IL1RAPL2: variants seen among roughly 807,000 people sequenced by gnomAD.
IL1RAPL2 encodes X-linked interleukin-1 receptor accessory protein-like 2.
A neutral mutation model predicts 44.1 loss-of-function variants in IL1RAPL2; 3 were observed. That is an observed-to-expected ratio of 0.07 (90% CI 0.03 to 0.18). The LOEUF (loss-of-function observed/expected upper bound fraction) is 0.18, where lower values mean the gene tolerates loss of function less well. IL1RAPL2 is among the 10% of genes least tolerant of loss of function. The probability of loss-of-function intolerance (pLI) is 1.00; values close to 1 mark genes in which losing one functional copy is unlikely to be tolerated. For synonymous variants in IL1RAPL2, 181 were observed against 178.8 expected (o/e 1.01, Z -0.10); for missense variants, 391 against 496.4 (o/e 0.79, Z 2.02).
chrX:104,904,425 T>C (rs1923918339), intron 2 of IL1RAPL2, among the ~76,000 whole-genome samples: 1 of 103,241 alleles, frequency 9.7e-6, no homozygotes, highest in Admixed American at 1.0e-4. Context: ...TAGCATTAGG[T>C]ATATCTCCCA....
intron 2 of IL1RAPL2, among the ~76,000 whole-genome samples, chrX:104,890,919 T>C (rs1484553646): frequency 8.9e-6 from 1 of 112,083 alleles, no homozygotes; most frequent in African/African-American, 3.2e-5. Context: ...TTCTAGGGTT[T>C]TTATGGTTTT....
At chrX:105,306,377 AT>A (rs1010155068) in intron 5 of IL1RAPL2, among the ~76,000 whole-genome samples, 11 of 111,699 alleles carry the variant, frequency 9.8e-5, no homozygotes, top group African/African-American at 3.2e-4. Flanking sequence ...TAACAGTGAT[AT>A]GTTACTTTCA....
At position 105,673,820 on chromosome X, in the gene IL1RAPL2, G is replaced by A. The variant is rs569354186; in HGVS notation, c.773-43547G>A. On this transcript the variant is annotated intron_variant, in intron 6 of 10. Transcript: ENST00000372582. ...AGTGTTCCTCTTTCTCTGCAGCCTC[G>A]CCAGTATCTGTTGTTTCTTGACTTT... Among the ~76,000 whole-genome samples, 48 of 111,683 alleles carry A rather than the reference G, an allele frequency of 4.3e-4. 2 individuals carry two copies. In the South Asian group the frequency reaches 6.8e-3, roughly 16 times the overall value.
intron 5 of IL1RAPL2, among the ~76,000 whole-genome samples, chrX:105,297,333 A>T (rs978554221): frequency 1.8e-5 from 2 of 112,149 alleles, no homozygotes; most frequent in Non-Finnish European, 3.8e-5. Flanking sequence ...AGTAAAGAGA[A>T]TGTTATTCTA....
At chrX:105,286,511 C>A (rs1189313320) in intron 5 of IL1RAPL2, among the ~76,000 whole-genome samples, 2 of 108,529 alleles carry the variant, frequency 1.8e-5, no homozygotes, top group Admixed American at 1.0e-4. Flanking sequence ...ACTACTATCA[C>A]CATTAATCTA....
chrX:105,113,038 C>A (rs891039623), intron 2 of IL1RAPL2, among the ~76,000 whole-genome samples: 1 of 112,414 alleles, frequency 8.9e-6, no homozygotes, highest in African/African-American at 3.2e-5. Flanking sequence ...CTCTGGTAAC[C>A]AAAAGCAAGC....
Position 104,803,134 on chromosome X carries a change from A to C in IL1RAPL2, c.82+144139A>C, listed in dbSNP as rs186562992. Among the ~76,000 whole-genome samples, 5 of 112,012 alleles carry C rather than the reference A, an allele frequency of 4.5e-5. No individual in the cohort carries two copies. The Admixed American group carries it at 4.8e-4, about 11-fold the overall frequency. On this transcript the variant is annotated intron_variant, in intron 2 of 10. Transcript: ENST00000372582. ...AATAATCGAGGTGATGGATTCATTA[A>C]GTTCATAACAAGCTGTCCTTGCAGG...
At chrX:105,611,227 T>A (rs1181321931) in intron 6 of IL1RAPL2, among the ~76,000 whole-genome samples, 1 of 112,488 alleles carries the variant, frequency 8.9e-6, no homozygotes, top group Non-Finnish European at 1.9e-5. Context: ...TAAGTGTTAT[T>A]ACAAAAAAGT....
chrX:104,580,419 A>G (rs753884056), intron 1 of IL1RAPL2, among the ~76,000 whole-genome samples: 60 of 112,987 alleles, frequency 5.3e-4, no homozygotes, highest in African/African-American at 1.8e-3. Flanking sequence ...TGTCAACAAG[A>G]GGGATCCATT....
At chrX:104,916,127 G>A (rs1454119259) in intron 2 of IL1RAPL2, among the ~76,000 whole-genome samples, 1 of 111,618 alleles carries the variant, frequency 9.0e-6, no homozygotes, top group Non-Finnish European at 1.9e-5. Flanking sequence ...TAGCTTGATG[G>A]GGATGGCATT....
chrX:105,187,774 G>C (rs975296207), intron 2 of IL1RAPL2, among the ~76,000 whole-genome samples: 1 of 111,480 alleles, frequency 9.0e-6, no homozygotes, highest in South Asian at 3.7e-4. Flanking sequence ...AGTTTCAGTC[G>C]AACAGTAGGA....
chrX:105,360,021 C>G (rs2035235979), intron 5 of IL1RAPL2, among the ~76,000 whole-genome samples: 1 of 111,393 alleles, frequency 9.0e-6, no homozygotes, highest in Non-Finnish European at 1.9e-5. Flanking sequence ...ATTTTAAGCA[C>G]TACATTTTAA....
intron 5 of IL1RAPL2, among the ~76,000 whole-genome samples, chrX:105,453,775 C>T (rs979904103): frequency 8.9e-6 from 1 of 111,733 alleles, no homozygotes; most frequent in African/African-American, 3.3e-5. Flanking sequence ...TATGATACTC[C>T]TCCAGTAATT....
At chrX:104,891,522 A>T (rs1386719146) in intron 2 of IL1RAPL2, among the ~76,000 whole-genome samples, 1 of 111,315 alleles carries the variant, frequency 9.0e-6, no homozygotes, top group East Asian at 2.8e-4. Flanking sequence ...TCCCTTGTAA[A>T]TTGGATTCCT....
chrX:105,121,840 G>T (rs1176135824), intron 2 of IL1RAPL2, among the ~76,000 whole-genome samples: 2 of 111,327 alleles, frequency 1.8e-5, no homozygotes, highest in Non-Finnish European at 3.8e-5. Flanking sequence ...GTGTAAAAGA[G>T]GAGCCAATAT....
At chrX:104,791,293 TAGC>T (rs1434977982) in intron 2 of IL1RAPL2, among the ~76,000 whole-genome samples, 2 of 92,435 alleles carry the variant, frequency 2.2e-5, no homozygotes, top group East Asian at 3.7e-4. Flanking sequence ...AAGGAAGAAG[TAGC>T]AGCCTAGTGG....
At chrX:105,102,286 GTAAA>G (rs1210660306) in intron 2 of IL1RAPL2, among the ~76,000 whole-genome samples, 4 of 111,623 alleles carry the variant, frequency 3.6e-5, no homozygotes, top group Non-Finnish European at 7.5e-5. Context: ...AGGCCAGGAG[GTAAA>G]TAAAGGCAGA....
rs769497943 is a variant in IL1RAPL2 at position 104,674,288 on chromosome X, C to A, written c.82+15293C>A. 3.9e-4 allele frequency among the ~76,000 whole-genome samples: 44 copies of A among 111,540 alleles called. No homozygotes were observed. In the South Asian group the frequency reaches 0.015, roughly 38 times the overall value. Reference sequence around the variant, plus strand: ...AATACGTCCCATCATTACCTAATTTCTTGAGAGTTTTTAGCATGAAGGGTT... The same window carrying A: ...AATACGTCCCATCATTACCTAATTTATTGAGAGTTTTTAGCATGAAGGGTT... On this transcript the variant is annotated intron_variant, in intron 2 of 10. Transcript: ENST00000372582.
At chrX:105,009,453 C>G (rs1162379833) in intron 2 of IL1RAPL2, among the ~76,000 whole-genome samples, 1 of 108,316 alleles carries the variant, frequency 9.2e-6, no homozygotes, top group African/African-American at 3.4e-5. Context: ...TTTGTAGGGA[C>G]ATGGATGAAG....
Sources: allele counts gnomAD v4.1 joint callset (sites outside exome capture counted in the v4.1 genomes callset), GRCh38; gene constraint gnomAD v4.1.1; transcripts MANE v1.5; gene names NCBI Gene and HGNC (gene_info 2026-07-23, HGNC 2026-07-21).